The following CCKBR variants were observed in gnomAD, a reference collection of about 807,000 sequenced individuals.
CCKBR encodes gastrin/cholecystokinin type B receptor.
CCKBR carries 33 observed loss-of-function variants against 34.6 expected under a neutral mutation model. The ratio of observed to expected loss-of-function variants is 0.95; its 90% CI spans 0.72 to 1.27. CCKBR has a LOEUF of 1.27. Among genes scored for constraint, CCKBR ranks in the 50% most tolerant of loss-of-function variants. The pLI, the probability that CCKBR is intolerant of heterozygous loss-of-function variation, is 0.00. For synonymous variants in CCKBR, 269 were observed against 267.5 expected (o/e 1.01, Z -0.06); for missense variants, 652 against 617.4 (o/e 1.06, Z -0.59).
intron 3 of CCKBR, 47 bp downstream of exon 3, chr11:6,270,384 T>G: frequency 6.3e-7 from 1 of 1,580,070 alleles, no homozygotes; most frequent in Middle Eastern, 2.1e-4. Flanking sequence ...CTCACCCCTA[T>G]TAGATGCTTA....
chr11:6,260,127 C>T (rs771707111), intron 1 of CCKBR, 48 bp downstream of exon 1: 3 of 1,475,526 alleles, frequency 2.0e-6, no homozygotes, highest in Non-Finnish European at 2.7e-6. Flanking sequence ...TCACTGTACC[C>T]CAGAACACTA....
At position 6,270,804 on chromosome 11, in the gene CCKBR, G is replaced by C; in HGVS notation, c.811+1G>C. ...GTCCGAAACCAAGGCGGGCTGCCAG[G>C]TGGGGCTGGACCACGTGAGCAAAAT... On this transcript the variant is annotated splice_donor_variant, in intron 4 of 4. Transcript: ENST00000334619. LOFTEE classifies it high-confidence loss of function. 1 of 1,614,118 alleles carries C rather than the reference G, an allele frequency of 6.2e-7. No homozygotes were observed. The highest frequency in any genetic ancestry group is 1.6e-4 in the Middle Eastern group (1 of 6,062).
intron 1 of CCKBR, among the ~76,000 whole-genome samples, chr11:6,261,681 A>G (rs1161530177): frequency 6.6e-6 from 1 of 152,176 alleles, no homozygotes; most frequent in African/African-American, 2.4e-5. Flanking sequence ...GCTGGAGACC[A>G]GCCTAGAGGG....
intron 1 of CCKBR, among the ~76,000 whole-genome samples, chr11:6,261,288 G>C (rs1848124627): frequency 6.6e-6 from 1 of 151,692 alleles, no homozygotes. Context: ...CAAAGTGGAA[G>C]AGCCTTGACA....
At chr11:6,270,973 C>T (rs748178922) in intron 4 of CCKBR, 38 bp from the exon 5 acceptor site, 2 of 1,613,010 alleles carry the variant, frequency 1.2e-6, no homozygotes, top group South Asian at 2.2e-5. Context: ...ACTGGGGGGA[C>T]TCGCCTTTTT....
chr11:6,260,598 G>A (rs748178115), intron 1 of CCKBR, among the ~76,000 whole-genome samples: 1 of 152,178 alleles, frequency 6.6e-6, no homozygotes, highest in African/African-American at 2.4e-5. Flanking sequence ...TCCCAAAAAA[G>A]ATCCTCAAAT....
chr11:6,267,597 A>G (rs933112583), intron 1 of CCKBR, among the ~76,000 whole-genome samples: 1 of 152,252 alleles, frequency 6.6e-6, no homozygotes, highest in Non-Finnish European at 1.5e-5. Flanking sequence ...AAGTAAGAGT[A>G]TACTCTAAAA....
intron 2 of CCKBR, 24 bp from the exon 3 acceptor site, chr11:6,270,064 C>A: frequency 6.3e-7 from 1 of 1,591,600 alleles, no homozygotes; most frequent in Non-Finnish European, 8.6e-7. Context: ...TAGGTGACTC[C>A]TTCCTTTCTC....
Position 6,259,933 on chromosome 11 carries a change from A to G in CCKBR, c.5A>G (p.Glu2Gly). Residue 2 changes from glutamate to glycine, a missense_variant, in exon 1 of 5, where the codon GAG becomes GGG. Transcript: ENST00000334619. M[E>G]LLKLNRSVQG... ...GCGGCGGGCTCGGCGGGGGCCATGG[A>G]GCTGCTAAAGCTGAACCGGAGCGTG... The G allele has an allele frequency of 6.9e-7, 1 of 1,453,634 alleles. No individual in the cohort carries two copies. 90.0% of individuals were successfully genotyped at this position (1,453,634 alleles called of 1,614,324 possible). A position where few individuals can be genotyped will look rare whatever the true frequency, so the allele number is the denominator to read the frequency against.
At chr11:6,270,923 T>A (rs1308911781) in intron 4 of CCKBR, 88 bp from the exon 5 acceptor site, 1 of 1,611,724 alleles carries the variant, frequency 6.2e-7, no homozygotes, top group Admixed American at 1.7e-5. Context: ...GGAAATGGAG[T>A]TGAGCTGGGA....
intron 1 of CCKBR, among the ~76,000 whole-genome samples, chr11:6,260,840 G>T (rs538196484): frequency 6.6e-6 from 1 of 152,348 alleles, no homozygotes; most frequent in African/African-American, 2.4e-5. Context: ...CCATAGCCAA[G>T]TGCAGAGAGA....
chr11:6,262,940 A>T (rs1848159200), intron 1 of CCKBR, among the ~76,000 whole-genome samples: 1 of 152,228 alleles, frequency 6.6e-6, no homozygotes, highest in African/African-American at 2.4e-5. Context: ...TGAAAGCGGG[A>T]TGTGACGCAA....
Position 6,270,815 on chromosome 11 carries a change from C to T in CCKBR, c.811+12C>T. The T allele has an allele frequency of 6.2e-7, 1 of 1,614,020 alleles. No homozygotes were observed. The highest frequency in any genetic ancestry group is 8.5e-7 in the Non-Finnish European group (1 of 1,179,982). ...AGGCGGGCTGCCAGGTGGGGCTGGA[C>T]CACGTGAGCAAAATCTGGGCGAGGC... On this transcript the variant is annotated intron_variant, in intron 4 of 4. Coordinates refer to ENST00000334619, the MANE Select transcript of CCKBR (RefSeq NM_176875.4).
rs747287727 is a variant in CCKBR at position 6,271,137 on chromosome 11, G to A, written c.938G>A (p.Gly313Glu). 38 of 1,613,852 alleles carry A rather than the reference G, an allele frequency of 2.4e-5. 1 individual carries two copies. Among genetic ancestry groups the A allele is most frequent in the Non-Finnish European group, 8.5e-6 (10 of 1,179,954 alleles). Residue 313 changes from glycine to glutamate, a missense_variant, in exon 5 of 5, where the codon GGG becomes GAG. Coordinates refer to ENST00000334619, the MANE Select transcript of CCKBR (RefSeq NM_176875.4). ...GAGCTGACGGCGCTGACGGCTCCTGGGCCGGGATCCGGCTCCCGGCCCACC... is the reference window on the plus strand; with the variant it reads ...GAGCTGACGGCGCTGACGGCTCCTGAGCCGGGATCCGGCTCCCGGCCCACC... ...ALELTALTAP[G>E]PGSGSRPTQA... is the part of the protein sequence containing the mutation.
At chr11:6,269,146 AAGTATTTTT>A (rs748256102) in intron 1 of CCKBR, among the ~76,000 whole-genome samples, 26,594 of 143,000 alleles carry the variant, frequency 0.19, 2,351 homozygotes, top group Middle Eastern at 0.29. Context: ...AGAGTAAGTG[AAGTATTTTT>A]TTTTTTTTTT....
intron 1 of CCKBR, among the ~76,000 whole-genome samples, chr11:6,265,639 C>T (rs927744748): frequency 6.6e-5 from 10 of 152,202 alleles, no homozygotes; most frequent in Admixed American, 6.5e-4. Context: ...AAGGACCTCT[C>T]TGACAGAGGT....
chr11:6,261,615 T>A lies in CCKBR; in HGVS notation c.151+1536T>A, dbSNP rs115660799. The stretch of plus-strand genomic sequence containing the variant: ...TTGAATTCATGGCACTTTTATCCAC[T>A]GTGACATAGTTTTGAGTGACTAGAA... On this transcript the variant is annotated intron_variant, in intron 1 of 4. Coordinates refer to ENST00000334619, the MANE Select transcript of CCKBR (RefSeq NM_176875.4). Among the ~76,000 whole-genome samples, 418 of 151,990 alleles carry A rather than the reference T, an allele frequency of 2.8e-3. 2 individuals are homozygous for A. Among genetic ancestry groups the A allele is most frequent in the African/African-American group, 9.6e-3 (397 of 41,460 alleles).
At position 6,271,280 on chromosome 11, in the gene CCKBR, CCGGGTGCACACCGAGCACTCT is replaced by C. The variant is rs1204722071; in HGVS notation, c.1089_1109del (p.His364_Ala370del). 1 of 1,614,104 alleles carries C rather than the reference CCGGGTGCACACCGAGCACTCT, an allele frequency of 6.2e-7. No homozygotes were observed. Among genetic ancestry groups the C allele is most frequent in the East Asian group, 2.2e-5 (1 of 44,902 alleles). On this transcript the variant is annotated inframe_deletion, in exon 5 of 5. Transcript: ENST00000334619. ...CAACACGTGGCGCGCCTTTGATGGC[CCGGGTGCACACCGAGCACTCT>C]CGGGTGCTCCTATCTCCTTCATTCA...
chr11:6,271,445 C>G lies in CCKBR; in HGVS notation c.1246C>G (p.Arg416Gly). ...CTGCTGCCCCCGGCCTCCACGAGCT[C>G]GCCCCAGGGCTCTTCCCGATGAGGA... ...ARCCPRPPRA[R>G]PRALPDEDPP... The change falls in exon 5 of 5, where the codon CGC (arginine) becomes GGC (glycine). Residue 416 changes from arginine to glycine, a missense_variant. Coordinates refer to ENST00000334619, the MANE Select transcript of CCKBR (RefSeq NM_176875.4). 1 of 1,613,466 alleles carries G rather than the reference C, an allele frequency of 6.2e-7. No individual in the cohort carries two copies. The highest frequency in any genetic ancestry group is 8.5e-7 in the Non-Finnish European group (1 of 1,180,022).
Sources: gnomAD v4.1 joint callset for allele counts (sites outside exome capture counted in the v4.1 genomes callset) on GRCh38, gnomAD v4.1.1 for gene constraint, MANE v1.5 for transcripts, NCBI Gene and HGNC (gene_info 2026-07-23, HGNC 2026-07-21) for gene names.